Variants in DGKH observed in about 807,000 individuals in gnomAD.
The protein encoded by DGKH is diacylglycerol kinase eta, also known as DAG kinase eta.
A neutral mutation model predicts 159.3 loss-of-function variants in DGKH; 90 were observed. The ratio of observed to expected loss-of-function variants is 0.57; its 90% CI spans 0.48 to 0.67. DGKH has a LOEUF of 0.67. DGKH is among the 30% of genes least tolerant of loss of function. The pLI is 0.00. For synonymous variants in DGKH, 536 were observed against 553.8 expected (o/e 0.97, Z 0.45); for missense variants, 1,181 against 1,506.1 (o/e 0.78, Z 3.57).
chr13:42,157,265 A>G (rs1956069335), intron 5 of DGKH, among the ~76,000 whole-genome samples: 1 of 152,208 alleles, frequency 6.6e-6, no homozygotes. Context: ...GTAATATGGT[A>G]TTATTTTAAA....
intron 11 of DGKH, 100 bp from the exon 12 acceptor site, chr13:42,173,956 TGTGC>T: frequency 6.2e-6 from 4 of 647,948 alleles, no homozygotes; most frequent in Non-Finnish European, 8.0e-6. Context: ...TGTGTGTGTG[TGTGC>T]GTGCGTGTGT....
chr13:42,248,559 ATAT>A (rs1295624302), intron 29 of DGKH, among the ~76,000 whole-genome samples: 3 of 147,226 alleles, frequency 2.0e-5, no homozygotes, highest in Non-Finnish European at 4.5e-5. Flanking sequence ...ATATTGTTTA[ATAT>A]TTAATATAAA....
chr13:42,049,182 C>CGGGGA (rs1555254813), intron 1 of DGKH, among the ~76,000 whole-genome samples: 1 of 1,956 alleles, frequency 5.1e-4, no homozygotes, highest in Non-Finnish European at 1.1e-3. Context: ...GCGGGCGGGG[C>CGGGGA]GGGGAGGGGT....
chr13:42,110,442 C>T (rs978974477), intron 1 of DGKH, among the ~76,000 whole-genome samples: 21 of 152,130 alleles, frequency 1.4e-4, no homozygotes, highest in African/African-American at 5.1e-4. Context: ...ATCAGAATGT[C>T]CCCACATCAA....
intron 29 of DGKH, among the ~76,000 whole-genome samples, chr13:42,227,063 A>G (rs1314044312): frequency 6.6e-6 from 1 of 152,178 alleles, no homozygotes; most frequent in Non-Finnish European, 1.5e-5. Flanking sequence ...CAATGAGAAC[A>G]CATAGACACA....
chr13:42,221,480 A>T, intron 29 of DGKH, 86 bp downstream of exon 29: 1 of 1,542,758 alleles, frequency 6.5e-7, no homozygotes, highest in Admixed American at 1.9e-5. Flanking sequence ...ACTTGCTTTT[A>T]GCTTCGCTTA....
At chr13:42,118,786 T>C (rs1004793259) in intron 1 of DGKH, among the ~76,000 whole-genome samples, 2 of 152,214 alleles carry the variant, frequency 1.3e-5, no homozygotes, top group Non-Finnish European at 2.9e-5. Context: ...ATGTAGGAGC[T>C]TGGACTTTAT....
chr13:42,212,224 T>A (rs1192405451), intron 24 of DGKH, among the ~76,000 whole-genome samples: 1 of 152,192 alleles, frequency 6.6e-6, no homozygotes, highest in Non-Finnish European at 1.5e-5. Context: ...ATTTATTAGA[T>A]AACTAGACTG....
At position 42,166,440 on chromosome 13, in the gene DGKH, T is replaced by C. The variant is rs541849711; in HGVS notation, c.959-75T>C. ...CTCCAGTTTTTATGAATTTATTTTC[T>C]TTTCTCTGAATGTTTGCTAATAATT... On this transcript the variant is annotated intron_variant, in intron 8 of 29. Transcript: ENST00000337343. The C allele has an allele frequency of 6.2e-6, 8 of 1,289,808 alleles. No individual in the cohort carries two copies. The African/African-American group carries it at 1.1e-4, about 17-fold the overall frequency. 79.9% of individuals were successfully genotyped at this position (1,289,808 alleles called of 1,614,324 possible).
At chr13:42,142,545 A>C in intron 3 of DGKH, among the ~76,000 whole-genome samples, 1 of 149,960 alleles carries the variant, frequency 6.7e-6, no homozygotes, top group African/African-American at 2.5e-5. Flanking sequence ...ATGTTCTTCC[A>C]TTTGTTTGTA....
rs1414528625 is a variant in DGKH at position 42,160,103 on chromosome 13, A to C, written c.822A>C (p.Leu274=). The C allele has an allele frequency of 1.2e-6, 2 of 1,614,266 alleles. No homozygotes were observed. The highest frequency in any genetic ancestry group is 1.7e-6 in the Non-Finnish European group (2 of 1,180,048). ...AAACATGTGGCAGTGTTCTCCGTCT[A>C]CAGGATTGGAAATGCCTTTGGTGTA... The part of the protein sequence containing the change: ...CDKTCGSVLR[L]QDWKCLWCKT... The change falls in exon 7 of 30, where the codon CTA becomes CTC. Residue 274 remains leucine, a synonymous_variant. Transcript: ENST00000337343.
chr13:42,233,728 ATGTT>A lies in DGKH; in HGVS notation c.*4545_*4548del, dbSNP rs1198871754. 1 of 152,180 alleles carries A rather than the reference ATGTT, an allele frequency of 6.6e-6. No homozygotes were observed. The highest frequency in any genetic ancestry group is 2.4e-5 in the African/African-American group (1 of 41,440). The allele number at this position is 152,180 out of a possible 1,614,324, so 9.4% of individuals were successfully genotyped here. A position where few individuals can be genotyped will look rare whatever the true frequency, so the allele number is the denominator to read the frequency against. ...TCCACCTCTAAGTCACTAACAATCCATGTTTGTTCAGTTTGTTGACATGTGGCAT... is the reference window on the plus strand; with the variant it reads ...TCCACCTCTAAGTCACTAACAATCCATGTTCAGTTTGTTGACATGTGGCAT... On this transcript the variant is annotated 3_prime_UTR_variant, in exon 30 of 30. Transcript: ENST00000337343.
At chr13:42,159,423 T>C (rs1320252438) in intron 6 of DGKH, 51 bp downstream of exon 6, 1 of 1,264,602 alleles carries the variant, frequency 7.9e-7, no homozygotes, top group Non-Finnish European at 1.2e-6. Context: ...CTCTTTTATG[T>C]TCTGCTCTTG....
At chr13:42,099,767 G>A (rs189119272) in intron 1 of DGKH, among the ~76,000 whole-genome samples, 1 of 152,314 alleles carries the variant, frequency 6.6e-6, no homozygotes, top group East Asian at 1.9e-4. Flanking sequence ...AAGGTGAAAT[G>A]TGTTGTCGAA....
intron 1 of DGKH, among the ~76,000 whole-genome samples, chr13:42,058,338 CA>C (rs1429295700): frequency 6.6e-6 from 1 of 152,192 alleles, no homozygotes; most frequent in Non-Finnish European, 1.5e-5. Context: ...TACATCATTT[CA>C]CTTAACATCA....
At position 42,233,989 on chromosome 13, in the gene DGKH, A is replaced by G. The variant is rs1422498331; in HGVS notation, c.*4801A>G. ...ACCAAGATGATTGCAAGTTAATCTC[A>G]TTTAAGCCCTCTAAAAAGGCATGCT... On this transcript the variant is annotated 3_prime_UTR_variant, in exon 30 of 30. Transcript: ENST00000337343. The G allele has an allele frequency of 6.6e-6, 1 of 152,210 alleles. No homozygotes were observed. Among genetic ancestry groups the G allele is most frequent in the Non-Finnish European group, 1.5e-5 (1 of 68,028 alleles). 9.4% of individuals were successfully genotyped at this position (152,210 alleles called of 1,614,324 possible). A position where few individuals can be genotyped will look rare whatever the true frequency, so the allele number is the denominator to read the frequency against.
intron 20 of DGKH, among the ~76,000 whole-genome samples, chr13:42,205,409 T>C (rs1160507217): frequency 1.3e-5 from 2 of 152,220 alleles, no homozygotes; most frequent in Admixed American, 1.3e-4. Flanking sequence ...CTGCTTCTAC[T>C]CAGTAAGAAT....
intron 1 of DGKH, among the ~76,000 whole-genome samples, chr13:42,104,443 T>C: frequency 6.6e-6 from 1 of 152,348 alleles, no homozygotes; most frequent in East Asian, 1.9e-4. Flanking sequence ...CTTAGTGACA[T>C]GGGGGCTTCA....
chr13:42,255,723 T>A (rs1958652385), intron 30 of DGKH: 4 of 378,862 alleles, frequency 1.1e-5, no homozygotes, highest in Non-Finnish European at 1.9e-5. Flanking sequence ...GAGTTCCTAA[T>A]AAATAAATGA....
Sources: gnomAD v4.1 joint callset for allele counts (sites outside exome capture counted in the v4.1 genomes callset) on GRCh38, gnomAD v4.1.1 for gene constraint, MANE v1.5 for transcripts, NCBI Gene and HGNC (gene_info 2026-07-23, HGNC 2026-07-21) for gene names.